Variants in DHRSX observed in about 807,000 individuals in gnomAD.
DHRSX encodes the protein dehydrogenase/reductase X-linked, also known as polyprenol dehydrogenase.
In DHRSX, 31 loss-of-function variants were observed where a neutral mutation model predicts 34.0. The ratio of observed to expected loss-of-function variants is 0.91; its 90% CI spans 0.69 to 1.23. The LOEUF is 1.23. Among genes scored for constraint, DHRSX ranks in the 50% most tolerant of loss-of-function variants. DHRSX has a pLI of 0.00. For synonymous variants in DHRSX, 201 were observed against 183.8 expected, an observed-to-expected ratio of 1.09 and a Z score of -0.76; for missense variants, 414 against 428.1, an observed-to-expected ratio of 0.97 and a Z score of 0.29.
At chrX:2,268,987 G>T (rs1415799683) in intron 4 of DHRSX, among the ~76,000 whole-genome samples, 5 of 152,186 alleles carry the variant, frequency 3.3e-5, no homozygotes. Flanking sequence ...ATATGGACAC[G>T]TTTGTGTTCA....
intron 3 of DHRSX, among the ~76,000 whole-genome samples, chrX:2,313,590 ATCTCATGACCTCGT>A (rs2042190162): frequency 6.6e-6 from 1 of 151,902 alleles, no homozygotes; most frequent in Non-Finnish European, 1.5e-5. Flanking sequence ...GATGGTCTCG[ATCTCATGACCTCGT>A]GATCTGCCCA....
At chrX:2,479,524 C>A (rs1216300212) in intron 1 of DHRSX, among the ~76,000 whole-genome samples, 1 of 148,710 alleles carries the variant, frequency 6.7e-6, no homozygotes, top group Non-Finnish European at 1.5e-5. Flanking sequence ...CGTAAGAATG[C>A]GACCAGGGGA....
intron 1 of DHRSX, among the ~76,000 whole-genome samples, chrX:2,433,441 G>T (rs186682459): frequency 7.0e-4 from 107 of 151,942 alleles, no homozygotes; most frequent in African/African-American, 2.5e-3. Flanking sequence ...GAACGCGCAG[G>T]TTTGTTACAT....
At position 2,360,411 on chromosome X, in the gene DHRSX, T is replaced by C. The variant is rs191667906; in HGVS notation, c.286+48334A>G. ...CAGCCTGACCAACATGGTGAAACCC[T>C]GTCTCTACTAAAAATACAAAAATGA... On this transcript the variant is annotated intron_variant, in intron 3 of 6. Transcript: ENST00000334651. 9.2e-3 allele frequency among the ~76,000 whole-genome samples: 1,400 copies of C among 152,148 alleles called. 19 individuals carry two copies. Among genetic ancestry groups the C allele is most frequent in the South Asian group, 0.057 (273 of 4,806 alleles).
At chrX:2,307,440 C>T (rs970487603) in intron 3 of DHRSX, among the ~76,000 whole-genome samples, 2 of 151,528 alleles carry the variant, frequency 1.3e-5, no homozygotes, top group African/African-American at 2.4e-5. Context: ...CAAAGCTGCA[C>T]GTGTACCTCA....
At chrX:2,485,233 C>G (rs2044858421) in intron 1 of DHRSX, among the ~76,000 whole-genome samples, 1 of 152,108 alleles carries the variant, frequency 6.6e-6, no homozygotes, top group African/African-American at 2.4e-5. Context: ...AGAATTACTC[C>G]TAATGGGAAA....
intron 1 of DHRSX, among the ~76,000 whole-genome samples, chrX:2,472,320 C>T (rs1288098892): frequency 6.6e-6 from 1 of 152,004 alleles, no homozygotes; most frequent in Non-Finnish European, 1.5e-5. Flanking sequence ...CTGCAGGGGC[C>T]TGCTGGAGGG....
At chrX:2,439,307 G>A (rs2044035439) in intron 1 of DHRSX, among the ~76,000 whole-genome samples, 3 of 152,004 alleles carry the variant, frequency 2.0e-5, no homozygotes, top group African/African-American at 7.3e-5. Context: ...AGAGCAGCTG[G>A]AGCTTCATAT....
chrX:2,394,735 A>G (rs1389758206), intron 3 of DHRSX, among the ~76,000 whole-genome samples: 6 of 152,096 alleles, frequency 3.9e-5, no homozygotes, highest in South Asian at 4.1e-4. Flanking sequence ...GCGTGGTGGC[A>G]CGTGCCTGTA....
intron 3 of DHRSX, among the ~76,000 whole-genome samples, chrX:2,345,118 T>G (rs2042688405): frequency 6.6e-6 from 1 of 151,750 alleles, no homozygotes; most frequent in Non-Finnish European, 1.5e-5. Context: ...CCCCTGCCTC[T>G]TGAAATACTG....
intron 3 of DHRSX, among the ~76,000 whole-genome samples, chrX:2,366,440 C>CA (rs754305983): frequency 9.8e-4 from 127 of 129,722 alleles, no homozygotes; most frequent in South Asian, 2.4e-3. Context: ...AACTCAGTCT[C>CA]AAAAAAAAAA....
At position 2,276,887 on chromosome X, in the gene DHRSX, A is replaced by AG. The variant is rs1491182886; in HGVS notation, c.389-9941dup. Among the ~76,000 whole-genome samples the AG allele has an allele frequency of 3.1e-3, 34 of 11,090 alleles. 4 individuals carry two copies. Among genetic ancestry groups the AG allele is most frequent in the African/African-American group, 5.2e-3 (6 of 1,150 alleles). 7.3% of individuals were successfully genotyped at this position (11,090 alleles called of 152,430 possible). On this transcript the variant is annotated intron_variant, in intron 4 of 6. Coordinates refer to ENST00000334651, the MANE Select transcript of DHRSX (RefSeq NM_145177.3). ...GGGAGAGAGAAGGAGGGGAGGAAAT[A>AG]GGGGAAAGAGAGAAAGAGAGATGGA...
chrX:2,307,318 G>A (rs1449703556), intron 3 of DHRSX, among the ~76,000 whole-genome samples: 1 of 152,134 alleles, frequency 6.6e-6, no homozygotes, highest in Admixed American at 6.6e-5. Context: ...AAGAGCAGGG[G>A]AGGGAGAGGG....
chrX:2,284,433 TGG>T (rs2041779806), intron 4 of DHRSX, among the ~76,000 whole-genome samples: 1 of 151,710 alleles, frequency 6.6e-6, no homozygotes, highest in South Asian at 2.1e-4. Context: ...AATGAATGAA[TGG>T]GTGAATGAAG....
chrX:2,477,571 C>T (rs1313536474), intron 1 of DHRSX, among the ~76,000 whole-genome samples: 1 of 152,136 alleles, frequency 6.6e-6, no homozygotes, highest in Non-Finnish European at 1.5e-5. Context: ...TGCGGCCAGG[C>T]GCGGGGGCTC....
intron 4 of DHRSX, among the ~76,000 whole-genome samples, chrX:2,271,942 G>A (rs960829121): frequency 6.6e-5 from 10 of 152,068 alleles, no homozygotes; most frequent in African/African-American, 1.2e-4. Flanking sequence ...TCGGGAAGCT[G>A]AGGCAGGAGA....
intron 3 of DHRSX, among the ~76,000 whole-genome samples, chrX:2,373,772 G>T (rs2043108556): frequency 6.6e-6 from 1 of 152,156 alleles, no homozygotes; most frequent in Admixed American, 6.5e-5. Context: ...CAAGCCAACA[G>T]GAAACCTAGG....
At chrX:2,260,509 G>C (rs1403977708) in intron 5 of DHRSX, among the ~76,000 whole-genome samples, 1 of 151,000 alleles carries the variant, frequency 6.6e-6, no homozygotes, top group Non-Finnish European at 1.5e-5. Flanking sequence ...GCCCAGGCTG[G>C]AGTGCAATGG....
At chrX:2,378,739 C>T (rs2043170284) in intron 3 of DHRSX, among the ~76,000 whole-genome samples, 1 of 151,776 alleles carries the variant, frequency 6.6e-6, no homozygotes, top group African/African-American at 2.4e-5. Context: ...GGTGCGATCT[C>T]GGCTCACTGC....
Sources: allele counts gnomAD v4.1 joint callset (sites outside exome capture counted in the v4.1 genomes callset), GRCh38; gene constraint gnomAD v4.1.1; transcripts MANE v1.5; gene names NCBI Gene and HGNC (gene_info 2026-07-23, HGNC 2026-07-21).